The following SEMA6D variants were observed in gnomAD, a reference collection of about 807,000 sequenced individuals.
SEMA6D encodes the protein semaphorin-6D.
Under a neutral mutation model 106.6 loss-of-function variants are expected in SEMA6D, and 35 were observed. The observed-to-expected ratio is 0.33, with a 90% confidence interval of 0.25 to 0.44. SEMA6D has a LOEUF of 0.44. Among genes scored for constraint, SEMA6D ranks in the 20% least tolerant of loss-of-function variants. The probability of loss-of-function intolerance (pLI) is 1.00; values close to 1 mark genes in which losing one functional copy is unlikely to be tolerated. For missense variants in SEMA6D, 1,185 were observed against 1,345.9 expected, an observed-to-expected ratio of 0.88 and a Z score of 1.87; for synonymous variants, 499 against 487.7, an observed-to-expected ratio of 1.02 and a Z score of -0.31.
At chr15:47,335,735 AAAAAT>A (rs2037526429) in intron 1 of SEMA6D, among the ~76,000 whole-genome samples, 2 of 152,186 alleles carry the variant, frequency 1.3e-5, no homozygotes, top group African/African-American at 4.8e-5. Flanking sequence ...TAAAGGGATT[AAAAAT>A]AAAATAGGAA....
At chr15:47,698,397 G>A (rs1249252316) in intron 4 of SEMA6D, among the ~76,000 whole-genome samples, 1 of 152,134 alleles carries the variant, frequency 6.6e-6, no homozygotes, top group African/African-American at 2.4e-5. Context: ...GCTTTTTGCT[G>A]CTACTGCAAA....
intron 1 of SEMA6D, among the ~76,000 whole-genome samples, chr15:47,284,259 AGT>A (rs2035258569): frequency 6.6e-6 from 1 of 152,224 alleles, no homozygotes; most frequent in Non-Finnish European, 1.5e-5. Flanking sequence ...ATATGGTGAC[AGT>A]TAAACACTTG....
At chr15:47,768,455 T>G in intron 17 of SEMA6D, 126 bp from the exon 18 acceptor site, 1 of 804,204 alleles carries the variant, frequency 1.2e-6, no homozygotes, top group Non-Finnish European at 1.8e-6. Flanking sequence ...CTCAGGCGTG[T>G]TTTTACAAAA....
chr15:47,536,049 C>G (rs1024609957), intron 3 of SEMA6D, among the ~76,000 whole-genome samples: 3 of 152,132 alleles, frequency 2.0e-5, no homozygotes, highest in African/African-American at 7.2e-5. Context: ...TGGTTGGGAA[C>G]TATGAACAGT....
chr15:47,494,638 AT>A (rs2043578167), intron 3 of SEMA6D, among the ~76,000 whole-genome samples: 1 of 149,780 alleles, frequency 6.7e-6, no homozygotes. Flanking sequence ...TTGCTGAAGG[AT>A]TTGGCAGCAT....
chr15:47,284,095 T>TA (rs1227315838), intron 1 of SEMA6D, among the ~76,000 whole-genome samples: 44 of 152,256 alleles, frequency 2.9e-4, no homozygotes, highest in South Asian at 1.9e-3. Flanking sequence ...GTGTCTCCCT[T>TA]ACGCACAACA....
At chr15:47,231,497 C>T (rs1174939544) in intron 1 of SEMA6D, among the ~76,000 whole-genome samples, 1 of 152,052 alleles carries the variant, frequency 6.6e-6, no homozygotes, top group East Asian at 1.9e-4. Context: ...ATCCACTTTT[C>T]ATCGCCATTA....
exon 1 of SEMA6D, chr15:47,184,184 G>C (rs1893377079): frequency 6.5e-6 from 1 of 152,740 alleles, no homozygotes; most frequent in Admixed American, 6.5e-5. Flanking sequence ...GGACGAACCC[G>C]GAGAAGAGAG....
At chr15:47,480,292 G>C (rs2043119718) in intron 3 of SEMA6D, among the ~76,000 whole-genome samples, 1 of 151,886 alleles carries the variant, frequency 6.6e-6, no homozygotes, top group Non-Finnish European at 1.5e-5. Context: ...TTTAGCTAAT[G>C]GGTATCTCCT....
chr15:47,466,692 C>G (rs964498471), intron 2 of SEMA6D, among the ~76,000 whole-genome samples: 42 of 150,102 alleles, frequency 2.8e-4, no homozygotes, highest in African/African-American at 1.0e-3. Flanking sequence ...AGTGGAATTG[C>G]TAGACTGTAT....
intron 4 of SEMA6D, among the ~76,000 whole-genome samples, chr15:47,638,114 C>CAA (rs11429221): frequency 0.023 from 3,513 of 150,906 alleles, 85 homozygotes; most frequent in African/African-American, 0.066. Context: ...GTATCTTAGA[C>CAA]AAAAAAAAAC....
rs529218427 is a variant in SEMA6D, at chr15:47,773,287, C to T, written c.*1502C>T. ...ATTCTTTGCCGTGATAAACATTCCA[C>T]TCCTGCTTTCCTAAGGATGAAACAG... On this transcript the variant is annotated 3_prime_UTR_variant, in exon 19 of 19. Coordinates refer to ENST00000536845, the MANE Select transcript of SEMA6D (RefSeq NM_001358351.3). 1 of 152,620 alleles carries T rather than the reference C, an allele frequency of 6.6e-6. No individual in the cohort carries two copies. The highest frequency in any genetic ancestry group is 1.5e-5 in the Non-Finnish European group (1 of 68,034). The allele number at this position is 152,620 out of a possible 1,614,324, so 9.5% of individuals were successfully genotyped here.
chr15:47,265,961 C>T (rs1051352902), intron 1 of SEMA6D, among the ~76,000 whole-genome samples: 2 of 152,116 alleles, frequency 1.3e-5, no homozygotes, highest in Non-Finnish European at 2.9e-5. Context: ...CACGCTTAGT[C>T]TTGAAGCTCC....
At chr15:47,377,509 C>A (rs1438644998) in intron 1 of SEMA6D, among the ~76,000 whole-genome samples, 1 of 152,094 alleles carries the variant, frequency 6.6e-6, no homozygotes, top group Non-Finnish European at 1.5e-5. Flanking sequence ...TGAGTCCTTT[C>A]AGGGAAGCAG....
chr15:47,448,783 T>A (rs1042905925), intron 2 of SEMA6D, among the ~76,000 whole-genome samples: 2 of 152,038 alleles, frequency 1.3e-5, no homozygotes, highest in African/African-American at 2.4e-5. Flanking sequence ...GGTGAACATC[T>A]TCTTCCAATG....
chr15:47,599,504 G>C (rs1165152794), intron 3 of SEMA6D, among the ~76,000 whole-genome samples: 2 of 151,640 alleles, frequency 1.3e-5, no homozygotes, highest in East Asian at 3.9e-4. Flanking sequence ...GTGATTCCAG[G>C]GTTCACTGTA....
chr15:47,270,956 A>T (rs1166685859), intron 1 of SEMA6D, among the ~76,000 whole-genome samples: 1 of 152,168 alleles, frequency 6.6e-6, no homozygotes, highest in Non-Finnish European at 1.5e-5. Context: ...AAAAAAAAAT[A>T]TAGATATAAC....
intron 4 of SEMA6D, among the ~76,000 whole-genome samples, chr15:47,711,891 C>T (rs1033615362): frequency 6.6e-6 from 1 of 152,132 alleles, no homozygotes; most frequent in African/African-American, 2.4e-5. Flanking sequence ...TGAATCAGCT[C>T]CCTGTACCTA....
At chr15:47,332,409 C>T (rs1595750360) in intron 1 of SEMA6D, among the ~76,000 whole-genome samples, 2 of 152,206 alleles carry the variant, frequency 1.3e-5, no homozygotes, top group East Asian at 3.9e-4. Context: ...GGTTCCTGTC[C>T]CTGACAGCTT....
Sources: gnomAD v4.1 joint callset for allele counts (sites outside exome capture counted in the v4.1 genomes callset) on GRCh38, gnomAD v4.1.1 for gene constraint, MANE v1.5 for transcripts, NCBI Gene and HGNC (gene_info 2026-07-23, HGNC 2026-07-21) for gene names.